TOP1MT: variants seen among roughly 807,000 people sequenced by gnomAD.
TOP1MT encodes the protein DNA topoisomerase I mitochondrial, also known as DNA topoisomerase I, mitochondrial.
A neutral mutation model predicts 73.9 loss-of-function variants in TOP1MT; 80 were observed. The observed-to-expected ratio is 1.08, with a 90% confidence interval of 0.90 to 1.30. The LOEUF is 1.30. Ranked by LOEUF, TOP1MT falls within the 50% of genes most tolerant of loss-of-function variation. The pLI is 0.00. For synonymous variants in TOP1MT, 338 were observed against 326.4 expected (o/e 1.04, Z -0.38); for missense variants, 815 against 808.0 (o/e 1.01, Z -0.10).
upstream of TOP1MT, among the ~76,000 whole-genome samples, chr8:143,347,311 T>C (rs986212739): frequency 3.3e-5 from 5 of 152,188 alleles, no homozygotes; most frequent in East Asian, 1.9e-4. Flanking sequence ...CCCGCCACCA[T>C]GCCCAACAAA....
Position 143,325,545 on chromosome 8 carries a change from A to AT in TOP1MT, c.484-13_484-12insA. ...TCTTCTTTTAGCTTCTGAGTTAATA[A>AT]AACAGTCAGTGGACATTAGCAGTGA... On this transcript the variant is annotated splice_polypyrimidine_tract_variant and intron_variant, in intron 4 of 13. Coordinates refer to ENST00000329245, the MANE Select transcript of TOP1MT (RefSeq NM_052963.3). 1 of 1,602,202 alleles carries AT rather than the reference A, an allele frequency of 6.2e-7. No individual in the cohort carries two copies. The highest frequency in any genetic ancestry group is 1.1e-5 in the South Asian group (1 of 90,858).
At chr8:143,340,312 TC>T (rs1309436214) in intron 2 of TOP1MT, among the ~76,000 whole-genome samples, 1 of 134,234 alleles carries the variant, frequency 7.4e-6, no homozygotes, top group African/African-American at 2.8e-5. Context: ...TGCACAGCAT[TC>T]CCCCCCTCCC....
chr8:143,322,642 G>A (rs568719957), intron 7 of TOP1MT, among the ~76,000 whole-genome samples: 1 of 9,566 alleles, frequency 1.0e-4, no homozygotes, highest in East Asian at 3.1e-3. Flanking sequence ...ACACACACAC[G>A]CCACACGCAC....
At chr8:143,310,359 G>C (rs1240556640) in intron 12 of TOP1MT, 142 bp from the exon 13 acceptor site, 4 of 620,260 alleles carry the variant, frequency 6.4e-6, no homozygotes, top group East Asian at 3.1e-5. Context: ...CACAGCAAAA[G>C]ACCAGCCGGG....
chr8:143,328,168 TAAAAC>T, intron 3 of TOP1MT: 1 of 442,398 alleles, frequency 2.3e-6, no homozygotes, highest in South Asian at 1.6e-5. Flanking sequence ...ATAATGGACT[TAAAAC>T]AGGACACAAA....
chr8:143,310,519 G>T, intron 12 of TOP1MT: 1 of 282,998 alleles, frequency 3.5e-6, no homozygotes, highest in Non-Finnish European at 6.6e-6. Context: ...ACAGGATGAG[G>T]GCAGCGAGAC....
At chr8:143,328,742 A>G (rs1045201820) in intron 3 of TOP1MT, among the ~76,000 whole-genome samples, 3 of 152,270 alleles carry the variant, frequency 2.0e-5, no homozygotes, top group African/African-American at 7.2e-5. Context: ...TGAGTCACGG[A>G]ACAGAGGAAA....
At chr8:143,326,181 AG>A in intron 4 of TOP1MT, 40 bp downstream of exon 4, 1 of 1,607,668 alleles carries the variant, frequency 6.2e-7, no homozygotes. Flanking sequence ...TCTCGTTCCC[AG>A]GGGCCACTTC....
rs1160670568 is a variant in TOP1MT, at chr8:143,331,291, C to T, written c.171G>A (p.Glu57=). The change falls in exon 2 of 14, where the codon GAG becomes GAA. Residue 57 remains glutamate (E), a synonymous_variant. Transcript: ENST00000329245. ...GGGGTGCGAAGTACGGGCCCTTGTG[C>T]TCCAGCTGTCTCCACTTCACCCCGT... ...HEDGVKWRQL[E]HKGPYFAPPY... 1 of 1,612,912 alleles carries T rather than the reference C, an allele frequency of 6.2e-7. No individual in the cohort carries two copies. Among genetic ancestry groups the T allele is most frequent in the African/African-American group, 1.3e-5 (1 of 74,910 alleles).
upstream of TOP1MT, chr8:143,359,504 A>T: frequency 2.2e-6 from 2 of 889,038 alleles, no homozygotes; most frequent in Non-Finnish European, 2.7e-6. Flanking sequence ...GCAGGGCCCA[A>T]GCAGAAAGTC....
At chr8:143,345,767 A>C (rs1158017966), upstream of TOP1MT, among the ~76,000 whole-genome samples, 1 of 152,222 alleles carries the variant, frequency 6.6e-6, no homozygotes, top group Non-Finnish European at 1.5e-5. Context: ...TAAAATGGCA[A>C]AATCCAAATC....
rs1440067518 is a variant in TOP1MT at position 143,323,284 on chromosome 8, CCA to C, written c.960+713_960+714del. Among the ~76,000 whole-genome samples the C allele has an allele frequency of 7.0e-3, 701 of 100,840 alleles. 8 individuals carry two copies. Among genetic ancestry groups the C allele is most frequent in the African/African-American group, 0.021 (513 of 24,666 alleles). 66.2% of individuals were successfully genotyped at this position (100,840 alleles called of 152,430 possible). A position where few individuals can be genotyped will look rare whatever the true frequency, so the allele number is the denominator to read the frequency against. On this transcript the variant is annotated intron_variant, in intron 7 of 13. Transcript: ENST00000329245. ...CACACATGCACGCCACACACGCACG[CCA>C]CACACGCACGCCACACACATGCTCA...
chr8:143,337,344 G>T (rs1056460832), upstream of TOP1MT, among the ~76,000 whole-genome samples: 8 of 152,154 alleles, frequency 5.3e-5, no homozygotes, highest in Non-Finnish European at 1.0e-4. Context: ...GGCAGAGCTT[G>T]CAGTGAGCCG....
rs1257017645 is a variant in TOP1MT, at chr8:143,341,958, TATTA to T, written c.29+1258_29+1261del. ...CAGAGTCTCGCTCTGTTATTATTAT[TATTA>T]GAGACAGAGTCTCGCTGTTATTATT... On this transcript the variant is annotated intron_variant, in intron 2 of 5. Transcript: ENST00000518007. The surrounding 1 kb of genome is among the most constrained non-coding windows in gnomAD (Gnocchi z 4.1). Among the ~76,000 whole-genome samples the T allele has an allele frequency of 1.4e-5, 2 of 145,216 alleles. No individual in the cohort carries two copies. Among genetic ancestry groups the T allele is most frequent in the Non-Finnish European group, 3.0e-5 (2 of 66,406 alleles).
Position 143,341,831 on chromosome 8 carries a change from TTCC to T in TOP1MT, c.29+1386_29+1388del, listed in dbSNP as rs200386761. Reference sequence around the variant, plus strand: ...TCTAGTGCTTCCTTCTTCCTTCTTCTTCCTCTTCTTCCTCCTCCTCCTCCTTCC... The same window carrying T: ...TCTAGTGCTTCCTTCTTCCTTCTTCTTCTTCTTCCTCCTCCTCCTCCTTCC... On this transcript the variant is annotated intron_variant, in intron 2 of 5. Coordinates refer to the TOP1MT transcript ENST00000518007. The surrounding 1 kb of genome is among the most constrained non-coding windows in gnomAD (Gnocchi z 4.1). 0.042 allele frequency among the ~76,000 whole-genome samples: 6,196 copies of T among 147,924 alleles called. 196 individuals carry two copies. Among genetic ancestry groups the T allele is most frequent in the Non-Finnish European group, 0.063 (4,297 of 67,896 alleles).
chr8:143,335,178 C>A (rs1050884040), upstream of TOP1MT, among the ~76,000 whole-genome samples: 2 of 152,232 alleles, frequency 1.3e-5, no homozygotes, highest in Non-Finnish European at 2.9e-5. Context: ...CACGACCAGG[C>A]CAGTGAACTC....
At position 143,324,638 on chromosome 8, in the gene TOP1MT, GAAC is replaced by G; in HGVS notation, c.672-12_672-10del. ...CGGGGATCTTCGAGTCCCTGCAGCA[GAAC>G]AACGACCCAAACATAACTTGGAGAC... On this transcript the variant is annotated splice_polypyrimidine_tract_variant and intron_variant, in intron 5 of 13. Transcript: ENST00000329245. 6.2e-7 allele frequency: 1 copy of G among 1,611,702 alleles called. No individual in the cohort carries two copies. Among genetic ancestry groups the G allele is most frequent in the African/African-American group, 1.3e-5 (1 of 74,960 alleles).
At chr8:143,317,870 G>A in intron 9 of TOP1MT, 33 bp from the exon 10 acceptor site, 1 of 1,609,220 alleles carries the variant, frequency 6.2e-7, no homozygotes, top group African/African-American at 1.3e-5. Context: ...TAATTACGTG[G>A]TTTTGCGGGG....
chr8:143,331,782 G>C (rs1816862203), intron 1 of TOP1MT: 1 of 156,976 alleles, frequency 6.4e-6, no homozygotes, highest in Non-Finnish European at 1.4e-5. Context: ...GAGGAGCTGG[G>C]TGGAAGGGGG....
Sources: allele counts gnomAD v4.1 joint callset (sites outside exome capture counted in the v4.1 genomes callset), GRCh38; gene constraint gnomAD v4.1.1; non-coding constraint Gnocchi (gnomAD v3.1); transcripts MANE v1.5; gene names NCBI Gene and HGNC (gene_info 2026-07-23, HGNC 2026-07-21).